The following ZNF831 variants were observed in gnomAD, a reference collection of about 807,000 sequenced individuals.
The protein encoded by ZNF831 is chromosome 20 open reading frame 174.
A neutral mutation model predicts 95.8 loss-of-function variants in ZNF831; 59 were observed. The ratio of observed to expected loss-of-function variants is 0.62; its 90% CI spans 0.50 to 0.77. The LOEUF (loss-of-function observed/expected upper bound fraction) is 0.77. ZNF831 is among the 30% of genes least tolerant of loss of function. The pLI, the probability that ZNF831 is intolerant of heterozygous loss-of-function variation, is 0.00. For missense variants in ZNF831, 2,205 were observed against 2,164.0 expected (o/e 1.02, Z -0.38); for synonymous variants, 961 against 925.5 (o/e 1.04, Z -0.70).
At chr20:59,202,703 C>G (rs1009462917) in intron 3 of ZNF831, among the ~76,000 whole-genome samples, 1 of 152,096 alleles carries the variant, frequency 6.6e-6, no homozygotes. Context: ...TTCCATGTGC[C>G]TCTCACTGAA....
At chr20:59,168,449 G>A (rs900544278) in intron 1 of ZNF831, among the ~76,000 whole-genome samples, 2 of 140,682 alleles carry the variant, frequency 1.4e-5, no homozygotes, top group Non-Finnish European at 3.0e-5. Flanking sequence ...TTATTAGTGC[G>A]AGGAGGTTTT....
chr20:59,133,418 T>TC (rs377261113), intron 1 of ZNF831, among the ~76,000 whole-genome samples: 10 of 152,184 alleles, frequency 6.6e-5, no homozygotes, highest in African/African-American at 2.4e-4. Context: ...AAAACACACC[T>TC]CCCCCGTCAA....
intron 2 of ZNF831, among the ~76,000 whole-genome samples, chr20:59,153,596 G>A (rs1331639192): frequency 1.3e-5 from 2 of 152,174 alleles, no homozygotes; most frequent in African/African-American, 4.8e-5. Context: ...TGGTTCCGGG[G>A]GCTCACCAGC....
At chr20:59,167,553 CT>C (rs908270643) in intron 1 of ZNF831, among the ~76,000 whole-genome samples, 75 of 151,934 alleles carry the variant, frequency 4.9e-4, no homozygotes, top group African/African-American at 1.7e-3. Flanking sequence ...TTCTCCTGTG[CT>C]TTTTTTCCCC....
chr20:59,197,457 G>T (rs1984204627), intron 3 of ZNF831, among the ~76,000 whole-genome samples: 1 of 152,210 alleles, frequency 6.6e-6, no homozygotes, highest in Non-Finnish European at 1.5e-5. Context: ...CATAGCCTGT[G>T]TGCCAGCTAG....
At chr20:59,212,717 G>A (rs1209717281) in intron 4 of ZNF831, among the ~76,000 whole-genome samples, 1 of 152,172 alleles carries the variant, frequency 6.6e-6, no homozygotes, top group Non-Finnish European at 1.5e-5. Flanking sequence ...TAATCCAGAT[G>A]TTCTTTATGG....
At chr20:59,211,616 T>C (rs752046434) in intron 4 of ZNF831, among the ~76,000 whole-genome samples, 4 of 152,172 alleles carry the variant, frequency 2.6e-5, no homozygotes, top group Non-Finnish European at 5.9e-5. Context: ...TGACAGGCAC[T>C]CTGAGGGCAC....
chr20:59,188,555 G>A (rs543014170), intron 1 of ZNF831, among the ~76,000 whole-genome samples: 2 of 152,238 alleles, frequency 1.3e-5, no homozygotes, highest in African/African-American at 2.4e-5. Context: ...TACTCAGGCG[G>A]CTGAGGCATG....
chr20:59,167,152 T>G (rs1387535086), intron 1 of ZNF831, among the ~76,000 whole-genome samples: 1 of 152,250 alleles, frequency 6.6e-6, no homozygotes, highest in Non-Finnish European at 1.5e-5. Flanking sequence ...TATTTTATTG[T>G]GGCTTTAATT....
intron 2 of ZNF831, among the ~76,000 whole-genome samples, chr20:59,150,878 G>A (rs150693394): frequency 9.3e-4 from 142 of 152,292 alleles, no homozygotes; most frequent in African/African-American, 3.0e-3. Flanking sequence ...GTGGGCGGGC[G>A]GGCCGTGCCA....
intron 1 of ZNF831, among the ~76,000 whole-genome samples, chr20:59,177,732 A>C (rs1449718533): frequency 2.6e-5 from 4 of 152,176 alleles, no homozygotes; most frequent in African/African-American, 4.8e-5. Context: ...ATGGTCGCTC[A>C]TCCTCCTGGG....
chr20:59,142,116 C>G (rs1477144433), intron 1 of ZNF831, among the ~76,000 whole-genome samples: 1 of 152,072 alleles, frequency 6.6e-6, no homozygotes, highest in Non-Finnish European at 1.5e-5. Context: ...CTGTGAGGCT[C>G]CATATGGACT....
At chr20:59,230,163 G>A (rs953486669) in intron 4 of ZNF831, among the ~76,000 whole-genome samples, 3 of 152,066 alleles carry the variant, frequency 2.0e-5, no homozygotes, top group Non-Finnish European at 2.9e-5. Context: ...TAAATCATAC[G>A]TTGGCAAACT....
intron 4 of ZNF831, among the ~76,000 whole-genome samples, chr20:59,222,321 G>C (rs960188855): frequency 2.6e-5 from 4 of 152,066 alleles, no homozygotes; most frequent in Non-Finnish European, 5.9e-5. Flanking sequence ...CCCTGGCTGG[G>C]CGCTCCCGAG....
At chr20:59,195,784 T>C in intron 2 of ZNF831, 85 bp from the exon 3 acceptor site, 21 of 1,527,678 alleles carry the variant, frequency 1.4e-5, no homozygotes, top group Non-Finnish European at 1.8e-5. Context: ...GACAGGCATC[T>C]TGTCTGCAGA....
At chr20:59,157,250 G>A (rs1980593920) in intron 2 of ZNF831, among the ~76,000 whole-genome samples, 1 of 152,086 alleles carries the variant, frequency 6.6e-6, no homozygotes, top group Non-Finnish European at 1.5e-5. Flanking sequence ...GAGTTCAATT[G>A]TTTTAATTTT....
chr20:59,236,362 G>A (rs1302264145), intron 4 of ZNF831, among the ~76,000 whole-genome samples: 2 of 152,126 alleles, frequency 1.3e-5, no homozygotes, highest in African/African-American at 4.8e-5. Context: ...GGGTCTTCCT[G>A]GCTTGCTTGA....
Position 59,206,957 on chromosome 20 carries a change from C to T in ZNF831, c.3928C>T (p.Arg1310Cys), listed in dbSNP as rs199609181. 506 of 1,614,224 alleles carry T rather than the reference C, an allele frequency of 3.1e-4. 3 individuals are homozygous for T. The highest frequency in any genetic ancestry group is 8.2e-4 in the Middle Eastern group (5 of 6,062). ...SCVQLRASRL[R>C]TPTWVRRRSR... Reference sequence around the variant, plus strand: ...TGTTCAGCTGAGAGCCAGTAGACTTCGCACACCAACCTGGGTGCGAAGAAG... The same window carrying T: ...TGTTCAGCTGAGAGCCAGTAGACTTTGCACACCAACCTGGGTGCGAAGAAG... Residue 1310 changes from arginine to cysteine, a missense_variant, in exon 4 of 6, where the codon CGC becomes TGC. Physicochemically the swap from Arg to Cys is radical, Grantham distance 180. Transcript: ENST00000371030.
At chr20:59,157,932 G>T (rs548979918) in intron 2 of ZNF831, among the ~76,000 whole-genome samples, 2 of 152,162 alleles carry the variant, frequency 1.3e-5, no homozygotes, top group Non-Finnish European at 2.9e-5. Flanking sequence ...AGCTTTTCTT[G>T]TTGTAGCTGA....
Sources: gnomAD v4.1 joint callset for allele counts (sites outside exome capture counted in the v4.1 genomes callset) on GRCh38, gnomAD v4.1.1 for gene constraint, MANE v1.5 for transcripts, NCBI Gene and HGNC (gene_info 2026-07-23, HGNC 2026-07-21) for gene names.